The following WFDC1 variants were observed in gnomAD, a reference collection of about 807,000 sequenced individuals.
WFDC1 encodes the protein WAP four-disulfide core domain 1.
WFDC1 carries 39 observed loss-of-function variants against 32.9 expected under a neutral mutation model. The observed-to-expected ratio is 1.19, with a 90% CI of 0.92 to 1.55. The LOEUF (loss-of-function observed/expected upper bound fraction) is 1.55. WFDC1 is among the 40% of genes most tolerant of loss of function. The probability of loss-of-function intolerance (pLI) is 0.00; values close to 1 mark genes in which losing one functional copy is unlikely to be tolerated. For missense variants in WFDC1, 386 were observed against 309.5 expected, an observed-to-expected ratio of 1.25 and a Z score of -1.85; for synonymous variants, 184 against 137.4, an observed-to-expected ratio of 1.34 and a Z score of -2.37.
At position 84,295,113 on chromosome 16, in the gene WFDC1, C is replaced by G; in HGVS notation, c.142C>G (p.Arg48Gly). ...ALPARLAEKS[R>G]AEEAGAPGGP... is the part of the protein sequence containing the mutation. ...GCCTGCGAGGCTGGCCGAGAAATCC[C>G]GTGTAAGTGCCTGGGATGGGGAGGC... The change falls in exon 1 of 7, where the codon CGT becomes GGT. Residue 48 changes from arginine to glycine, a missense_variant and splice_region_variant. By Grantham distance (125) the Arg-to-Gly change is moderately radical. Transcript: ENST00000219454. 3 of 1,613,670 alleles carry G rather than the reference C, an allele frequency of 1.9e-6. No individual in the cohort carries two copies. The highest frequency in any genetic ancestry group is 2.5e-6 in the Non-Finnish European group (3 of 1,179,748).
chr16:84,300,231 A>T (rs1460496466), intron 1 of WFDC1, among the ~76,000 whole-genome samples: 1 of 152,232 alleles, frequency 6.6e-6, no homozygotes, highest in Non-Finnish European at 1.5e-5. Context: ...AGTCAGGCCA[A>T]GGTGCCGGGG....
Position 84,307,980 on chromosome 16 carries a change from G to A in WFDC1, c.145-4981G>A, listed in dbSNP as rs1358777640. ...GCTCTGGTCTCCCCTCTGTCTTTGG[G>A]GAAAACCATTCACCTCCTTAAGGCC... is the stretch of plus-strand genomic sequence containing the variant. On this transcript the variant is annotated intron_variant, in intron 1 of 6. Transcript: ENST00000219454. 2.6e-5 allele frequency among the ~76,000 whole-genome samples: 4 copies of A among 152,124 alleles called. No individual in the cohort carries two copies. The East Asian group carries it at 7.7e-4, about 29-fold the overall frequency.
chr16:84,308,655 C>A (rs143904100), intron 1 of WFDC1, among the ~76,000 whole-genome samples: 56 of 152,206 alleles, frequency 3.7e-4, no homozygotes, highest in Non-Finnish European at 7.5e-4. Flanking sequence ...GTGTACACTC[C>A]ATCCTGAGTG....
intron 1 of WFDC1, among the ~76,000 whole-genome samples, chr16:84,298,922 C>T (rs1906767890): frequency 6.6e-6 from 1 of 152,214 alleles, no homozygotes; most frequent in South Asian, 2.1e-4. Context: ...CCTATCTGAG[C>T]CTCGGTTTCC....
chr16:84,302,305 G>A (rs959800223), intron 1 of WFDC1, among the ~76,000 whole-genome samples: 3 of 152,176 alleles, frequency 2.0e-5, no homozygotes, highest in African/African-American at 2.4e-5. Context: ...TGCACACATC[G>A]TAAGTCTAAT....
chr16:84,327,551 GT>G (rs1240760571), intron 6 of WFDC1: 1 of 152,200 alleles, frequency 6.6e-6, no homozygotes, highest in Non-Finnish European at 1.5e-5. Context: ...TTGTTATATA[GT>G]AGGTCATTTT....
chr16:84,295,874 C>G (rs545201805), intron 1 of WFDC1: 1 of 152,504 alleles, frequency 6.6e-6, no homozygotes, highest in South Asian at 2.1e-4. Flanking sequence ...GTCTGGGTCG[C>G]CACTGTTTAC....
intron 1 of WFDC1, among the ~76,000 whole-genome samples, chr16:84,309,471 A>G (rs918050651): frequency 6.6e-6 from 1 of 152,068 alleles, no homozygotes; most frequent in Non-Finnish European, 1.5e-5. Context: ...GGACGAGGCC[A>G]CTGTGGAGGC....
At chr16:84,313,300 C>A (rs369822011) in intron 2 of WFDC1, 147 bp downstream of exon 2, 2 of 657,810 alleles carry the variant, frequency 3.0e-6, no homozygotes, top group African/African-American at 1.9e-5. Flanking sequence ...TGAACTGGGA[C>A]GGGCGCTCCT....
intron 1 of WFDC1, among the ~76,000 whole-genome samples, chr16:84,309,117 G>C (rs1597673175): frequency 6.6e-6 from 1 of 152,234 alleles, no homozygotes; most frequent in Non-Finnish European, 1.5e-5. Flanking sequence ...TGCTCTGCCG[G>C]ATGAGACAAG....
chr16:84,319,305 C>G (rs111572784), intron 3 of WFDC1, 126 bp from the exon 4 acceptor site: 1 of 1,365,684 alleles, frequency 7.3e-7, no homozygotes, highest in African/African-American at 1.4e-5. Flanking sequence ...GGTACAGAGG[C>G]GAGGCCGCCT....
Position 84,294,882 on chromosome 16 carries a change from T to C in WFDC1, c.-90T>C, listed in dbSNP as rs1906487187. ...GTGGAACTAAGAAAGTCCAGCAGACTGTGCACGCTCCTGTCCCCACTCACA... is the reference window on the plus strand; with the variant it reads ...GTGGAACTAAGAAAGTCCAGCAGACCGTGCACGCTCCTGTCCCCACTCACA... On this transcript the variant is annotated 5_prime_UTR_variant, in exon 1 of 7. Coordinates refer to ENST00000219454, the MANE Select transcript of WFDC1 (RefSeq NM_021197.4). The C allele has an allele frequency of 6.6e-7, 1 of 1,513,492 alleles. No homozygotes were observed. The highest frequency in any genetic ancestry group is 2.2e-5 in the Admixed American group (1 of 46,188). 93.8% of individuals were successfully genotyped at this position (1,513,492 alleles called of 1,614,324 possible). A position where few individuals can be genotyped will look rare whatever the true frequency, so the allele number is the denominator to read the frequency against.
intron 1 of WFDC1, among the ~76,000 whole-genome samples, chr16:84,301,994 G>A (rs12923196): frequency 0.24 from 37,136 of 152,132 alleles, 5,427 homozygotes; most frequent in Non-Finnish European, 0.32. Flanking sequence ...GATGCCCATG[G>A]GGTGAGCACA....
intron 1 of WFDC1, among the ~76,000 whole-genome samples, chr16:84,305,921 T>C (rs1907222106): frequency 6.6e-6 from 1 of 151,952 alleles, no homozygotes; most frequent in South Asian, 2.1e-4. Context: ...GAGAACTGGT[T>C]GAGTCTGGGA....
chr16:84,302,583 C>T (rs1907007223), intron 1 of WFDC1, among the ~76,000 whole-genome samples: 2 of 152,030 alleles, frequency 1.3e-5, no homozygotes, highest in South Asian at 2.1e-4. Context: ...CCTGAATGCC[C>T]CATTATGATT....
At chr16:84,304,788 G>A (rs1234435292) in intron 1 of WFDC1, among the ~76,000 whole-genome samples, 2 of 152,188 alleles carry the variant, frequency 1.3e-5, no homozygotes, top group African/African-American at 4.8e-5. Flanking sequence ...AAGCTGGGAG[G>A]GAAGGGCTGC....
At chr16:84,322,021 C>T (rs1908327833) in intron 4 of WFDC1, among the ~76,000 whole-genome samples, 1 of 152,162 alleles carries the variant, frequency 6.6e-6, no homozygotes, top group Non-Finnish European at 1.5e-5. Context: ...ACTGTAGGTC[C>T]TCAGTGAATG....
chr16:84,324,273 T>G lies in WFDC1; in HGVS notation c.563-146T>G. On this transcript the variant is annotated intron_variant, in intron 4 of 6. Transcript: ENST00000219454. ...GAAACTAGAGCTGAGACATTACAAA[T>G]GCTCATGTAGCCTCTGAACAATTCC... 8.8e-6 allele frequency: 6 copies of G among 678,152 alleles called. 1 individual carries two copies. In the South Asian group the frequency reaches 1.2e-4, roughly 13 times the overall value. 42.0% of individuals were successfully genotyped at this position (678,152 alleles called of 1,614,324 possible).
chr16:84,309,284 G>T (rs982965538), intron 1 of WFDC1, among the ~76,000 whole-genome samples: 1 of 152,128 alleles, frequency 6.6e-6, no homozygotes, highest in African/African-American at 2.4e-5. Flanking sequence ...AAAGTAACAT[G>T]TACCTGGTTG....
Sources: gnomAD v4.1 joint callset for allele counts (sites outside exome capture counted in the v4.1 genomes callset) on GRCh38, gnomAD v4.1.1 for gene constraint, MANE v1.5 for transcripts, NCBI Gene and HGNC (gene_info 2026-07-23, HGNC 2026-07-21) for gene names.